The following DGLUCY variants were observed in gnomAD, a reference collection of about 807,000 sequenced individuals.
DGLUCY encodes D-glutamate cyclase.
In DGLUCY, 58 loss-of-function variants were observed where a neutral mutation model predicts 58.5. The ratio of observed to expected loss-of-function variants is 0.99; its 90% CI spans 0.80 to 1.23. DGLUCY has a LOEUF of 1.23. Ranked by LOEUF, DGLUCY falls within the 50% of genes most tolerant of loss-of-function variation. The pLI is 0.00. For synonymous variants in DGLUCY, 325 were observed against 314.1 expected (o/e 1.03, Z -0.37); for missense variants, 779 against 784.7 (o/e 0.99, Z 0.09).
chr14:91,137,012 A>G (rs1249342458), intron 1 of DGLUCY, among the ~76,000 whole-genome samples: 2 of 151,994 alleles, frequency 1.3e-5, no homozygotes, highest in South Asian at 2.1e-4. Context: ...GGAAAACTCT[A>G]TTTTTATGCT....
intron 11 of DGLUCY, among the ~76,000 whole-genome samples, chr14:91,203,869 GT>G (rs1422870758): frequency 6.6e-6 from 1 of 152,088 alleles, no homozygotes; most frequent in Admixed American, 6.6e-5. Flanking sequence ...TAGAGGCAAG[GT>G]TTTGCCATAT....
rs141238498 is a variant in DGLUCY, at chr14:91,199,814, C to T, written c.1353C>T (p.Tyr451=). The T allele has an allele frequency of 1.0e-4, 165 of 1,614,070 alleles. No homozygotes were observed. The highest frequency in any genetic ancestry group is 1.4e-4 in the Non-Finnish European group (161 of 1,180,048). The change falls in exon 11 of 14, where the codon TAC becomes TAT. Residue 451 remains tyrosine (Y), a synonymous_variant. Coordinates refer to ENST00000256324, the MANE Select transcript of DGLUCY (RefSeq NM_001102368.3). ...RAGRAADGNY[Y]NARKMNIKHL... ...GAAGAGCTGCTGATGGCAATTACTACAATGCAAGGAAGATGAACATCAAGC... is the reference window on the plus strand; with the variant it reads ...GAAGAGCTGCTGATGGCAATTACTATAATGCAAGGAAGATGAACATCAAGC...
chr14:91,157,103 A>ATGGG (rs2047669156), intron 1 of DGLUCY, among the ~76,000 whole-genome samples: 1 of 130,590 alleles, frequency 7.7e-6, no homozygotes, highest in African/African-American at 3.4e-5. Context: ...GAATGGGTGG[A>ATGGG]TGGATGGATG....
chr14:91,128,373 T>C (rs2140182579), intron 1 of DGLUCY, among the ~76,000 whole-genome samples: 1 of 150,674 alleles, frequency 6.6e-6, no homozygotes, highest in South Asian at 2.1e-4. Flanking sequence ...CATGTGCCTG[T>C]AGTCTTAGCT....
intron 1 of DGLUCY, among the ~76,000 whole-genome samples, chr14:91,115,568 C>T (rs145859566): frequency 1.3e-5 from 2 of 152,278 alleles, no homozygotes; most frequent in African/African-American, 2.4e-5. Flanking sequence ...GGACTACAGG[C>T]ACATGCCACC....
At chr14:91,209,665 G>T (rs546775914) in intron 12 of DGLUCY, among the ~76,000 whole-genome samples, 1 of 152,068 alleles carries the variant, frequency 6.6e-6, no homozygotes, top group East Asian at 1.9e-4. Context: ...CCAAGATCAC[G>T]CCACTGCACT....
intron 12 of DGLUCY, among the ~76,000 whole-genome samples, chr14:91,214,038 CTTT>C (rs10533151): frequency 3.9e-4 from 59 of 150,038 alleles, no homozygotes; most frequent in Non-Finnish European, 2.7e-4. Flanking sequence ...GTTTGTTTTT[CTTT>C]TTTTTTTTTA....
At chr14:91,081,943 C>A (rs946519406) in intron 1 of DGLUCY, among the ~76,000 whole-genome samples, 1 of 152,026 alleles carries the variant, frequency 6.6e-6, no homozygotes, top group Admixed American at 6.6e-5. Flanking sequence ...TCTCCTCTCT[C>A]CTCTTTGACC....
chr14:91,195,261 C>G (rs933659737), intron 9 of DGLUCY, among the ~76,000 whole-genome samples: 1 of 152,196 alleles, frequency 6.6e-6, no homozygotes, highest in Non-Finnish European at 1.5e-5. Context: ...AGTGACTATG[C>G]TGGGATTCTA....
Position 91,147,061 on chromosome 14 carries a change from A to T in DGLUCY, c.-81-10578A>T, listed in dbSNP as rs558454220. Among the ~76,000 whole-genome samples, 6 of 152,228 alleles carry T rather than the reference A, an allele frequency of 3.9e-5. No homozygotes were observed. In the South Asian group the frequency reaches 1.2e-3, roughly 32 times the overall value. On this transcript the variant is annotated intron_variant, in intron 1 of 13. Transcript: ENST00000256324. ...CATTGTCCAAGGTCCCTGATGGTGC[A>T]TCCTCCTCCTGGAGCACCTGTGGCC... is the stretch of plus-strand genomic sequence containing the variant.
At chr14:91,085,879 C>G (rs2044208733) in intron 1 of DGLUCY, among the ~76,000 whole-genome samples, 1 of 152,086 alleles carries the variant, frequency 6.6e-6, no homozygotes, top group Non-Finnish European at 1.5e-5. Context: ...CTGCTCAAGT[C>G]CCTTATAACA....
intron 10 of DGLUCY, among the ~76,000 whole-genome samples, chr14:91,196,826 G>C (rs1277985001): frequency 6.6e-6 from 1 of 151,102 alleles, no homozygotes; most frequent in Non-Finnish European, 1.5e-5. Flanking sequence ...AATCATTTCA[G>C]TTAGGGTATC....
At chr14:91,181,651 TTTG>T (rs1006779177) in intron 8 of DGLUCY, among the ~76,000 whole-genome samples, 8 of 96,320 alleles carry the variant, frequency 8.3e-5, no homozygotes, top group African/African-American at 2.4e-4. Flanking sequence ...CTTTCTTTCT[TTTG>T]TTTTCTTTCT....
intron 1 of DGLUCY, among the ~76,000 whole-genome samples, chr14:91,147,236 G>A (rs1355439025): frequency 2.6e-5 from 4 of 152,202 alleles, no homozygotes; most frequent in Admixed American, 2.6e-4. Context: ...CTGCCTGGAT[G>A]TGGCACTGTC....
chr14:91,113,788 T>G (rs1198261389), upstream of DGLUCY, among the ~76,000 whole-genome samples: 3 of 152,240 alleles, frequency 2.0e-5, no homozygotes, highest in Non-Finnish European at 4.4e-5. Flanking sequence ...CAGATGGCGA[T>G]TCACCAGATC....
chr14:91,068,073 GCGCA>G (rs765296342), intron 1 of DGLUCY, among the ~76,000 whole-genome samples: 1 of 59,058 alleles, frequency 1.7e-5, no homozygotes, highest in Admixed American at 2.3e-4. Context: ...ACACACACAC[GCGCA>G]CGCACACACA....
chr14:91,223,298 A>T (rs573107832), intron 13 of DGLUCY, among the ~76,000 whole-genome samples: 1 of 152,316 alleles, frequency 6.6e-6, no homozygotes, highest in Admixed American at 6.5e-5. Flanking sequence ...CCTGACACAT[A>T]CTTAGCAGGT....
Position 91,167,359 on chromosome 14 carries a change from G to C in DGLUCY, c.238G>C (p.Gly80Arg). Residue 80 changes from glycine to arginine, a missense_variant, in exon 4 of 14, where the codon GGT (glycine) becomes CGT (arginine). By Grantham distance (125) the Gly-to-Arg change is moderately radical (BLOSUM62 -2). Transcript: ENST00000256324. Reference protein sequence around the residue: ...EPEKWMLPPQGAISETRMGHP... With the variant: ...EPEKWMLPPQRAISETRMGHP... ...AGAAAAGTGGATGCTGCCCCCTCAA[G>C]GTGCTATCTCAGAGACCAGGTAAAA... 6.2e-7 allele frequency: 1 copy of C among 1,614,116 alleles called. No homozygotes were observed. The highest frequency in any genetic ancestry group is 8.5e-7 in the Non-Finnish European group (1 of 1,180,016).
chr14:91,090,211 C>T (rs1475039371), intron 1 of DGLUCY, among the ~76,000 whole-genome samples: 3 of 152,098 alleles, frequency 2.0e-5, no homozygotes, highest in Admixed American at 1.3e-4. Flanking sequence ...TCTGAAATTA[C>T]ATCAGGTTCT....
Sources: gnomAD v4.1 joint callset for allele counts (sites outside exome capture counted in the v4.1 genomes callset) on GRCh38, gnomAD v4.1.1 for gene constraint, MANE v1.5 for transcripts, NCBI Gene and HGNC (gene_info 2026-07-23, HGNC 2026-07-21) for gene names.